Variants in NHSL1 observed in about 807,000 individuals in gnomAD.
NHSL1 encodes NHS like 1, also known as NHS-like protein 1.
A neutral mutation model predicts 95.0 loss-of-function variants in NHSL1; 48 were observed. That is an observed-to-expected ratio of 0.51 (90% confidence interval 0.40 to 0.64). The LOEUF is 0.64. NHSL1 is among the 30% of genes least tolerant of loss of function. NHSL1 has a pLI of 0.00. For synonymous variants in NHSL1, 783 were observed against 833.9 expected (o/e 0.94, Z 1.05); for missense variants, 1,971 against 2,077.7 (o/e 0.95, Z 1.00).
rs556878911 is a variant in NHSL1 at position 138,607,341 on chromosome 6, G to A, written c.96+85135C>T. 9.2e-5 allele frequency among the ~76,000 whole-genome samples: 14 copies of A among 151,952 alleles called. No individual in the cohort carries two copies. The East Asian group carries it at 1.9e-3, about 21-fold the overall frequency. On this transcript the variant is annotated intron_variant, in intron 1 of 3. Transcript: ENST00000491526. ...CATTATTTCTAAATATACTATCATC[G>A]GACAAAACCAACCAAAAAAACAAAA...
At chr6:138,493,845 A>G (rs1780206589) in intron 2 of NHSL1, among the ~76,000 whole-genome samples, 1 of 152,226 alleles carries the variant, frequency 6.6e-6, no homozygotes, top group Admixed American at 6.5e-5. Context: ...TTATGACAGC[A>G]ACAAAGCTCA....
At chr6:138,514,341 A>C (rs1162789740) in intron 1 of NHSL1, among the ~76,000 whole-genome samples, 1 of 151,450 alleles carries the variant, frequency 6.6e-6, no homozygotes, top group Non-Finnish European at 1.5e-5. Context: ...AAACAAACAA[A>C]CAAAACAAAC....
At chr6:138,595,994 G>C (rs1554255225) in intron 1 of NHSL1, among the ~76,000 whole-genome samples, 1 of 151,428 alleles carries the variant, frequency 6.6e-6, no homozygotes, top group African/African-American at 2.4e-5. Context: ...AACCCCAAGA[G>C]AAAAAAAGGC....
intron 2 of NHSL1, among the ~76,000 whole-genome samples, chr6:138,490,311 G>A (rs1204482609): frequency 6.6e-6 from 1 of 152,012 alleles, no homozygotes; most frequent in Non-Finnish European, 1.5e-5. Flanking sequence ...TTCCTACAAA[G>A]GCACCTCCTA....
upstream of NHSL1, among the ~76,000 whole-genome samples, chr6:138,548,193 C>T (rs1307802493): frequency 6.6e-6 from 1 of 152,102 alleles, no homozygotes; most frequent in Non-Finnish European, 1.5e-5. Flanking sequence ...ACCATCTTGG[C>T]CAGGCTGGTC....
intron 1 of NHSL1, among the ~76,000 whole-genome samples, chr6:138,610,867 C>T (rs752889810): frequency 2.0e-5 from 3 of 151,922 alleles, no homozygotes; most frequent in African/African-American, 4.8e-5. Flanking sequence ...CACCTGAGGT[C>T]GGGAGTTCAA....
intron 3 of NHSL1, among the ~76,000 whole-genome samples, chr6:138,463,274 T>C (rs1778114259): frequency 6.6e-6 from 1 of 152,102 alleles, no homozygotes; most frequent in African/African-American, 2.4e-5. Context: ...TCAGATCATG[T>C]TACTTCCCTG....
intron 1 of NHSL1, among the ~76,000 whole-genome samples, chr6:138,659,719 TTG>T (rs1278836198): frequency 1.7e-4 from 22 of 126,646 alleles, no homozygotes; most frequent in South Asian, 8.6e-4. Context: ...CGTTTTTTTT[TTG>T]TTTTTTTTTT....
intron 3 of NHSL1, among the ~76,000 whole-genome samples, chr6:138,448,842 C>T (rs576859025): frequency 4.6e-4 from 70 of 152,084 alleles, no homozygotes; most frequent in African/African-American, 1.6e-3. Context: ...CACCTGAGGA[C>T]GGGAGCTTGA....
intron 1 of NHSL1, among the ~76,000 whole-genome samples, chr6:138,625,874 C>T (rs1423242219): frequency 2.0e-5 from 3 of 152,120 alleles, no homozygotes; most frequent in Admixed American, 6.5e-5. Context: ...AACTCTTGGC[C>T]TCAAGCAATC....
At chr6:138,428,968 CTG>C (rs1775445174) in intron 7 of NHSL1, among the ~76,000 whole-genome samples, 1 of 152,178 alleles carries the variant, frequency 6.6e-6, no homozygotes, top group African/African-American at 2.4e-5. Flanking sequence ...TACGATGACA[CTG>C]TGTGGGAGTA....
At chr6:138,646,922 C>T (rs1431034028) in intron 1 of NHSL1, among the ~76,000 whole-genome samples, 2 of 152,206 alleles carry the variant, frequency 1.3e-5, no homozygotes, top group Non-Finnish European at 2.9e-5. Context: ...TAAAATGGCA[C>T]ACACTACTGC....
At chr6:138,427,435 C>A (rs1201222602) in intron 7 of NHSL1, among the ~76,000 whole-genome samples, 2 of 149,736 alleles carry the variant, frequency 1.3e-5, no homozygotes, top group Non-Finnish European at 3.0e-5. Flanking sequence ...GTGAGTGAGA[C>A]TCTGTATCAA....
At chr6:138,478,937 G>T (rs1779253365) in intron 2 of NHSL1, among the ~76,000 whole-genome samples, 1 of 152,232 alleles carries the variant, frequency 6.6e-6, no homozygotes, top group Admixed American at 6.5e-5. Context: ...AAAAAATAAT[G>T]TCATAGCGCT....
At chr6:138,527,324 T>G (rs947080438) in intron 1 of NHSL1, among the ~76,000 whole-genome samples, 3 of 151,980 alleles carry the variant, frequency 2.0e-5, no homozygotes, top group African/African-American at 7.2e-5. Context: ...GCTCTGAGTT[T>G]GCTCACAAAC....
intron 1 of NHSL1, among the ~76,000 whole-genome samples, chr6:138,531,520 C>CTTT (rs148821238): frequency 2.8e-5 from 4 of 144,774 alleles, no homozygotes; most frequent in African/African-American, 7.6e-5. Flanking sequence ...GTTTCTCTCT[C>CTTT]TTTTTTTTTT....
rs764689621 is a variant in NHSL1 at position 138,433,078 on chromosome 6, C to T, written c.1267G>A (p.Glu423Lys). Reference sequence around the variant, plus strand: ...TGAGCAGTGGGAATAGCGATGACCTCGGAAGAGGAAGACAGTGTGGCATTT... The same window carrying T: ...TGAGCAGTGGGAATAGCGATGACCTTGGAAGAGGAAGACAGTGTGGCATTT... Reference protein sequence around the residue: ...IPNATLSSSSEVIAIPTAQSA... With the variant: ...IPNATLSSSSKVIAIPTAQSA... Residue 423 changes from glutamate (E) to lysine (K), a missense_variant, in exon 6 of 8, where the codon GAG (glutamate) becomes AAG (lysine). Glu to Lys is a moderately conservative substitution (Grantham distance 56). This residue lies in a region of NHSL1 where 1,602 missense variants were observed against 1,654.5 expected (regional missense o/e 0.97). Coordinates refer to ENST00000343505, the MANE Select transcript of NHSL1 (RefSeq NM_001144060.2). 1.4e-5 allele frequency: 21 copies of T among 1,551,032 alleles called. 1 individual carries two copies. The South Asian group carries it at 1.4e-4, about 11-fold the overall frequency.
At position 138,431,291 on chromosome 6, in the gene NHSL1, C is replaced by T. The variant is rs889345090; in HGVS notation, c.3054G>A (p.Ser1018=). The T allele has an allele frequency of 3.5e-5, 52 of 1,498,916 alleles. No homozygotes were observed. Among genetic ancestry groups the T allele is most frequent in the Middle Eastern group, 1.7e-4 (1 of 5,730 alleles). The allele number at this position is 1,498,916 out of a possible 1,614,324, so 92.9% of individuals were successfully genotyped here. ...CAAGAGGTGGGGCAGGTGGGGGTTC[C>T]GAGGAAGGTAAGAGAGGTGGGGGCA... The part of the protein sequence containing the change: ...LPLPPPLLPS[S]EPPPAPPLDP... The change falls in exon 6 of 8, where the codon TCG becomes TCA. Residue 1018 remains serine, a synonymous_variant. Transcript: ENST00000343505. This position sits in a 1 kb window ranked among gnomAD's most constrained non-coding sequence, Gnocchi z 4.0.
chr6:138,658,679 A>AT (rs1452198368), intron 1 of NHSL1, among the ~76,000 whole-genome samples: 2 of 152,046 alleles, frequency 1.3e-5, no homozygotes, highest in Non-Finnish European at 1.5e-5. Context: ...TGATGTGGTG[A>AT]TTTTTTTCAT....
Sources: allele counts gnomAD v4.1 joint callset (sites outside exome capture counted in the v4.1 genomes callset), GRCh38; gene constraint gnomAD v4.1.1; regional missense constraint gnomAD v4.1.1; non-coding constraint Gnocchi (gnomAD v3.1); transcripts MANE v1.5; gene names NCBI Gene and HGNC (gene_info 2026-07-23, HGNC 2026-07-21).